SDK1: variants seen among roughly 807,000 people sequenced by gnomAD.
The protein encoded by SDK1 is sidekick cell adhesion molecule 1, also known as protein sidekick-1.
In SDK1, 157 loss-of-function variants were observed where a neutral mutation model predicts 245.5. That is an observed-to-expected ratio of 0.64 (90% confidence interval 0.56 to 0.73). The LOEUF (loss-of-function observed/expected upper bound fraction) is 0.73. SDK1 is among the 30% of genes least tolerant of loss of function. The probability of loss-of-function intolerance (pLI) is 0.00; values close to 1 mark genes in which losing one functional copy is unlikely to be tolerated. For missense variants in SDK1, 3,583 were observed against 3,002.3 expected (o/e 1.19, Z -4.52); for synonymous variants, 1,647 against 1,278.5 (o/e 1.29, Z -6.15).
At chr7:3,795,936 A>T (rs1188595471) in intron 4 of SDK1, among the ~76,000 whole-genome samples, 1 of 152,192 alleles carries the variant, frequency 6.6e-6, no homozygotes, top group Admixed American at 6.5e-5. Context: ...GTAATGATTC[A>T]TGATCAGATG....
intron 5 of SDK1, among the ~76,000 whole-genome samples, chr7:3,896,041 G>T (rs1283509639): frequency 6.6e-6 from 1 of 152,116 alleles, no homozygotes; most frequent in South Asian, 2.1e-4. Context: ...AAAAGAATTT[G>T]TATTTTGCTG....
intron 4 of SDK1, among the ~76,000 whole-genome samples, chr7:3,697,618 T>A (rs1784612763): frequency 6.6e-6 from 1 of 152,196 alleles, no homozygotes; most frequent in Admixed American, 6.5e-5. Context: ...CATCCCCAAA[T>A]CTGAATTTTG....
intron 1 of SDK1, among the ~76,000 whole-genome samples, chr7:3,320,214 T>G (rs1413297765): frequency 6.6e-6 from 1 of 152,104 alleles, no homozygotes; most frequent in African/African-American, 2.4e-5. Context: ...AGGTGAGCAT[T>G]CTGGAGACCT....
chr7:3,733,784 C>T (rs1470682713), intron 4 of SDK1, among the ~76,000 whole-genome samples: 1 of 152,192 alleles, frequency 6.6e-6, no homozygotes, highest in Non-Finnish European at 1.5e-5. Context: ...CTTCACGGCC[C>T]TTCCCTACAG....
chr7:4,114,093 G>C lies in SDK1; in HGVS notation c.3642G>C (p.Lys1214Asn). The change falls in exon 25 of 45, where the codon AAG becomes AAC. Residue 1214 changes from lysine to asparagine, a missense_variant. Transcript: ENST00000404826. The stretch of plus-strand genomic sequence containing the variant: ...CCGAGTCCGTGGGCTACAGGATTAA[G>C]TACTGGCGCTCAGACCTCCAGTCCT... ...GNPESVGYRI[K>N]YWRSDLQSSA... 1.2e-6 allele frequency: 2 copies of C among 1,614,244 alleles called. No homozygotes were observed. The highest frequency in any genetic ancestry group is 8.5e-7 in the Non-Finnish European group (1 of 1,180,044).
intron 1 of SDK1, among the ~76,000 whole-genome samples, chr7:3,375,252 T>G (rs918428025): frequency 6.6e-6 from 1 of 152,028 alleles, no homozygotes; most frequent in Non-Finnish European, 1.5e-5. Context: ...TGCCTTTACA[T>G]GTCACAAACT....
rs903195805 is a variant in SDK1, at chr7:3,499,903, G to A, written c.299-119177G>A. ...AAGTATGTTTGTAAGTTCACTATGAGTAGATCAAAGTGGGCCATTATAGGG... is the reference window on the plus strand; with the variant it reads ...AAGTATGTTTGTAAGTTCACTATGAATAGATCAAAGTGGGCCATTATAGGG... On this transcript the variant is annotated intron_variant, in intron 1 of 44. Transcript: ENST00000404826. 5.9e-5 allele frequency among the ~76,000 whole-genome samples: 9 copies of A among 152,304 alleles called. No homozygotes were observed. The East Asian group carries it at 1.7e-3, about 29-fold the overall frequency.
chr7:3,436,720 C>G (rs1780032232), intron 1 of SDK1, among the ~76,000 whole-genome samples: 2 of 151,954 alleles, frequency 1.3e-5, no homozygotes, highest in Admixed American at 1.3e-4. Flanking sequence ...AAGTAATTGC[C>G]ACTAAATCGT....
At chr7:3,703,172 T>G (rs1273419133) in intron 4 of SDK1, among the ~76,000 whole-genome samples, 1 of 152,098 alleles carries the variant, frequency 6.6e-6, no homozygotes, top group Non-Finnish European at 1.5e-5. Context: ...CTGGACATTC[T>G]AGAAGCTTTC....
intron 17 of SDK1, among the ~76,000 whole-genome samples, chr7:4,047,433 G>T (rs1482853116): frequency 6.6e-6 from 1 of 152,142 alleles, no homozygotes; most frequent in Admixed American, 6.5e-5. Context: ...TTGTGTTCAT[G>T]ATGGATATTG....
intron 4 of SDK1, among the ~76,000 whole-genome samples, chr7:3,797,277 C>G (rs1778983496): frequency 6.6e-6 from 1 of 152,108 alleles, no homozygotes. Context: ...GCTGCCACAC[C>G]CGTCCCATAT....
In SDK1 at chr7:4,084,675, C is replaced by CGTTATGTTATGTTATGTTAT. The variant is rs60696477; in HGVS notation, c.3324+5130_3324+5149dup. ...GACCTTAAATGTATATGTTATGTTA[C>CGTTATGTTATGTTATGTTAT]GTTATGTTATGTTATGTTATGTTAT... On this transcript the variant is annotated intron_variant, in intron 22 of 44. Coordinates refer to ENST00000404826, the MANE Select transcript of SDK1 (RefSeq NM_152744.4). Among the ~76,000 whole-genome samples, 130 of 119,792 alleles carry CGTTATGTTATGTTATGTTAT rather than the reference C, an allele frequency of 1.1e-3. 1 individual carries two copies. The highest frequency in any genetic ancestry group is 1.5e-3 in the Non-Finnish European group (94 of 61,782). 78.6% of individuals were successfully genotyped at this position (119,792 alleles called of 152,430 possible). A position where few individuals can be genotyped will look rare whatever the true frequency, so the allele number is the denominator to read the frequency against.
intron 17 of SDK1, among the ~76,000 whole-genome samples, chr7:4,025,177 C>T (rs1787242744): frequency 6.6e-6 from 1 of 152,210 alleles, no homozygotes; most frequent in Non-Finnish European, 1.5e-5. Flanking sequence ...ATTTCCCTAT[C>T]CACGAGTGTA....
chr7:3,814,296 G>C (rs1435742621), intron 4 of SDK1, among the ~76,000 whole-genome samples: 1 of 149,346 alleles, frequency 6.7e-6, no homozygotes, highest in Non-Finnish European at 1.5e-5. Flanking sequence ...TGTATAAGGT[G>C]TAAGGAAGGG....
intron 1 of SDK1, among the ~76,000 whole-genome samples, chr7:3,441,168 GTATGT>G (rs1478393655): frequency 1.9e-4 from 29 of 152,034 alleles, no homozygotes; most frequent in African/African-American, 5.8e-4. Context: ...TATTATTACA[GTATGT>G]TATAATTCTA....
At chr7:3,650,076 G>T (rs941786116) in intron 4 of SDK1, among the ~76,000 whole-genome samples, 1 of 151,776 alleles carries the variant, frequency 6.6e-6, no homozygotes, top group Non-Finnish European at 1.5e-5. Flanking sequence ...TAGAGATAGG[G>T]TCTCACTTTA....
chr7:3,773,127 C>G (rs180736068), intron 4 of SDK1, among the ~76,000 whole-genome samples: 91 of 152,248 alleles, frequency 6.0e-4, no homozygotes, highest in African/African-American at 2.0e-3. Flanking sequence ...TTCAAGTATA[C>G]TTTCTGTTCT....
rs772808287 is a variant in SDK1 at position 4,017,347 on chromosome 7, A to T, written c.2597A>T (p.Gln866Leu). The T allele has an allele frequency of 6.2e-7, 1 of 1,608,172 alleles. No individual in the cohort carries two copies. Among genetic ancestry groups the T allele is most frequent in the Non-Finnish European group, 8.5e-7 (1 of 1,177,046 alleles). ...FSRAVTEYTL[Q>L]GVPTAPPQNV... ...AGGGCAGTGACCGAGTACACCTTGC[A>T]GGGAGGTAAGCTTGTCTCCAAAACC... Residue 866 changes from glutamine (Q) to leucine (L), a missense_variant, in exon 17 of 45, where the codon CAG becomes CTG. Transcript: ENST00000404826.
At chr7:3,317,517 C>G (rs1332417741) in intron 1 of SDK1, among the ~76,000 whole-genome samples, 1 of 152,164 alleles carries the variant, frequency 6.6e-6, no homozygotes, top group South Asian at 2.1e-4. Context: ...TGTTCTGTAG[C>G]TGTGTGCTGT....
Sources: allele counts gnomAD v4.1 joint callset (sites outside exome capture counted in the v4.1 genomes callset), GRCh38; gene constraint gnomAD v4.1.1; transcripts MANE v1.5; gene names NCBI Gene and HGNC (gene_info 2026-07-23, HGNC 2026-07-21).